Variants in EEF1AKMT1 observed in about 807,000 individuals in gnomAD.
EEF1AKMT1 encodes the protein N-6 adenine-specific DNA methyltransferase 2 (putative).
Under a neutral mutation model 21.0 loss-of-function variants are expected in EEF1AKMT1, and 18 were observed. That is an observed-to-expected ratio of 0.86 (90% confidence interval 0.59 to 1.27). The LOEUF is 1.27. Among genes scored for constraint, EEF1AKMT1 ranks in the 50% most tolerant of loss-of-function variants. The pLI is 0.00. For synonymous variants in EEF1AKMT1, 109 were observed against 94.8 expected (o/e 1.15, Z -0.87); for missense variants, 246 against 258.6 (o/e 0.95, Z 0.33).
intron 1 of EEF1AKMT1, among the ~76,000 whole-genome samples, chr13:20,768,403 G>A (rs1207977647): frequency 2.0e-5 from 3 of 152,166 alleles, no homozygotes; most frequent in African/African-American, 7.2e-5. Context: ...TAAATTATGA[G>A]GTTTTCCAGT....
intron 2 of EEF1AKMT1, among the ~76,000 whole-genome samples, chr13:20,753,008 G>A (rs528439811): frequency 3.0e-4 from 46 of 151,844 alleles, no homozygotes; most frequent in Non-Finnish European, 5.6e-4. Context: ...TGCTTTTCTA[G>A]TTTCTTAAGG....
At chr13:20,765,072 C>T (rs548280701) in intron 1 of EEF1AKMT1, among the ~76,000 whole-genome samples, 1 of 151,938 alleles carries the variant, frequency 6.6e-6, no homozygotes, top group African/African-American at 2.4e-5. Context: ...CCAGCCTGGT[C>T]AACATAACGA....
chr13:20,748,442 A>C (rs2058920478), intron 2 of EEF1AKMT1, among the ~76,000 whole-genome samples: 1 of 151,938 alleles, frequency 6.6e-6, no homozygotes. Flanking sequence ...CCAAAAAAAA[A>C]AAAAAAGTCA....
chr13:20,733,094 CTTT>C (rs56061412), intron 3 of EEF1AKMT1, among the ~76,000 whole-genome samples: 3 of 126,540 alleles, frequency 2.4e-5, no homozygotes, highest in Non-Finnish European at 3.2e-5. Flanking sequence ...CTGTGATACA[CTTT>C]TTTTTTTTTT....
chr13:20,735,294 T>C (rs2058820385), intron 3 of EEF1AKMT1, among the ~76,000 whole-genome samples: 1 of 145,204 alleles, frequency 6.9e-6, no homozygotes, highest in African/African-American at 2.6e-5. Context: ...AAGCAATTCA[T>C]TCTCAGGATT....
intron 1 of EEF1AKMT1, among the ~76,000 whole-genome samples, chr13:20,767,305 CAAA>C (rs61703956): frequency 5.0e-5 from 2 of 40,348 alleles, no homozygotes; most frequent in African/African-American, 1.7e-4. Flanking sequence ...GATTCTGTCT[CAAA>C]AAAAAAAAAA....
intron 4 of EEF1AKMT1, among the ~76,000 whole-genome samples, chr13:20,729,603 A>C (rs146817453): frequency 2.9e-3 from 434 of 152,228 alleles, no homozygotes; most frequent in African/African-American, 9.6e-3. Flanking sequence ...AGTAATATCC[A>C]ATCTTGCAAA....
At chr13:20,736,791 G>A (rs368739034) in intron 3 of EEF1AKMT1, among the ~76,000 whole-genome samples, 1 of 129,134 alleles carries the variant, frequency 7.7e-6, no homozygotes, top group South Asian at 2.6e-4. Flanking sequence ...AGGCTGGAGT[G>A]CAGTGGTGTG....
chr13:20,770,357 G>A (rs1464296328), intron 1 of EEF1AKMT1, among the ~76,000 whole-genome samples: 2 of 152,296 alleles, frequency 1.3e-5, no homozygotes, highest in African/African-American at 4.8e-5. Context: ...AAGATGAAAA[G>A]TGATGGATTA....
chr13:20,757,429 G>C, intron 2 of EEF1AKMT1, 26 bp downstream of exon 2: 1 of 1,612,618 alleles, frequency 6.2e-7, no homozygotes. Context: ...AATACTTCCT[G>C]ATGGCTGTGA....
intron 2 of EEF1AKMT1, among the ~76,000 whole-genome samples, chr13:20,756,368 T>C (rs1023810333): frequency 7.9e-5 from 12 of 152,228 alleles, no homozygotes; most frequent in African/African-American, 2.7e-4. Flanking sequence ...AAAAATATAA[T>C]TGAAATATAC....
intron 1 of EEF1AKMT1, among the ~76,000 whole-genome samples, chr13:20,762,331 C>T (rs1384782717): frequency 1.3e-5 from 2 of 151,878 alleles, no homozygotes; most frequent in Non-Finnish European, 2.9e-5. Context: ...GGATTACAGG[C>T]ACCTGCCACC....
intron 1 of EEF1AKMT1, among the ~76,000 whole-genome samples, chr13:20,772,590 G>A (rs1374657869): frequency 1.3e-5 from 2 of 152,182 alleles, no homozygotes; most frequent in African/African-American, 4.8e-5. Context: ...GCCCTCTATA[G>A]AGAAGCACCA....
chr13:20,768,787 C>T (rs1360849706), intron 1 of EEF1AKMT1: 1 of 152,414 alleles, frequency 6.6e-6, no homozygotes, highest in Non-Finnish European at 1.5e-5. Flanking sequence ...CCCATTCTCA[C>T]CCTCCAGCCC....
intron 2 of EEF1AKMT1, among the ~76,000 whole-genome samples, chr13:20,744,234 G>C (rs189730935): frequency 6.6e-6 from 1 of 152,118 alleles, no homozygotes; most frequent in East Asian, 1.9e-4. Flanking sequence ...GGTATTTCTC[G>C]TTCTAGAGCC....
intron 2 of EEF1AKMT1, among the ~76,000 whole-genome samples, chr13:20,745,848 G>A (rs1453375822): frequency 1.3e-5 from 2 of 150,882 alleles, no homozygotes; most frequent in Admixed American, 6.6e-5. Context: ...ACTACATCTC[G>A]AAAAAAATAA....
chr13:20,737,536 A>G (rs1482781132), intron 3 of EEF1AKMT1, among the ~76,000 whole-genome samples, 187 bp downstream of exon 3: 1 of 152,216 alleles, frequency 6.6e-6, no homozygotes, highest in African/African-American at 2.4e-5. Context: ...GACATTCCAC[A>G]ATGAATAGGT....
At chr13:20,729,358 C>G in intron 4 of EEF1AKMT1, 142 bp from the exon 5 acceptor site, 1 of 891,990 alleles carries the variant, frequency 1.1e-6, no homozygotes, top group South Asian at 1.7e-5. Context: ...AGCGAGTGTT[C>G]TTTACATTCC....
chr13:20,768,208 A>G (rs1225311686), intron 1 of EEF1AKMT1, among the ~76,000 whole-genome samples: 3 of 152,150 alleles, frequency 2.0e-5, no homozygotes, highest in South Asian at 2.1e-4. Flanking sequence ...TTTAACTTGT[A>G]TCTGTATATT....
Sources: gnomAD v4.1 joint callset for allele counts (sites outside exome capture counted in the v4.1 genomes callset) on GRCh38, gnomAD v4.1.1 for gene constraint, MANE v1.5 for transcripts, NCBI Gene and HGNC (gene_info 2026-07-23, HGNC 2026-07-21) for gene names.